The following LINGO2 variants were observed in gnomAD, a reference collection of about 807,000 sequenced individuals.
The protein encoded by LINGO2 is leucine-rich repeat and immunoglobulin-like domain-containing nogo receptor-interacting protein 2.
LINGO2 carries 14 observed loss-of-function variants against 30.6 expected under a neutral mutation model. The observed-to-expected ratio is 0.46, with a 90% CI of 0.30 to 0.72. LINGO2 has a LOEUF of 0.72. Ranked by LOEUF, LINGO2 falls within the 30% of genes least tolerant of loss-of-function variation. The pLI is 0.07. For synonymous variants in LINGO2, 317 were observed against 288.5 expected (o/e 1.10, Z -1.00); for missense variants, 729 against 751.7 (o/e 0.97, Z 0.35).
chr9:28,374,133 G>T (rs144733153), intron 2 of LINGO2, among the ~76,000 whole-genome samples: 1 of 151,076 alleles, frequency 6.6e-6, no homozygotes, highest in Non-Finnish European at 1.5e-5. Context: ...TCGGCACCAC[G>T]ACGTGAAGGC....
the LINGO2 span, among the ~76,000 whole-genome samples, chr9:28,768,792 T>G: frequency 6.6e-6 from 1 of 152,132 alleles, no homozygotes; most frequent in Non-Finnish European, 1.5e-5. Context: ...ATCTCTATCT[T>G]TTTCTACATT....
intron 1 of LINGO2, among the ~76,000 whole-genome samples, chr9:28,649,699 A>G (rs992820716): frequency 1.3e-5 from 2 of 152,112 alleles, no homozygotes; most frequent in Admixed American, 6.6e-5. Context: ...ATGTTGTGGG[A>G]AAAAAATTGT....
chr9:28,026,544 C>T (rs1469152996), intron 4 of LINGO2, among the ~76,000 whole-genome samples: 6 of 152,204 alleles, frequency 3.9e-5, no homozygotes, highest in Non-Finnish European at 7.3e-5. Flanking sequence ...CTTTTCATTA[C>T]TGCACTACTG....
At chr9:28,569,329 T>C (rs1402795) in intron 1 of LINGO2, among the ~76,000 whole-genome samples, 105,974 of 151,686 alleles carry the variant, frequency 0.7, 37,739 homozygotes, top group East Asian at 0.96. Flanking sequence ...GAAGAGATAG[T>C]TGTACTCTCC....
chr9:28,641,595 T>C (rs1158417602), intron 1 of LINGO2, among the ~76,000 whole-genome samples: 1 of 152,180 alleles, frequency 6.6e-6, no homozygotes, highest in Non-Finnish European at 1.5e-5. Flanking sequence ...ACTTTCACTT[T>C]GTAGGAAAAT....
intron 2 of LINGO2, among the ~76,000 whole-genome samples, chr9:28,469,249 T>A (rs1825428024): frequency 6.7e-6 from 1 of 148,368 alleles, no homozygotes; most frequent in Non-Finnish European, 1.5e-5. Flanking sequence ...CACCTAAAAC[T>A]ATTAAGTCTG....
chr9:28,729,602 A>T, the LINGO2 span, among the ~76,000 whole-genome samples: 1 of 152,058 alleles, frequency 6.6e-6, no homozygotes, highest in African/African-American at 2.4e-5. Context: ...AAAAATCACA[A>T]TATCCTAAAT....
At chr9:28,552,176 C>T (rs994121657) in intron 1 of LINGO2, among the ~76,000 whole-genome samples, 12 of 151,878 alleles carry the variant, frequency 7.9e-5, no homozygotes, top group African/African-American at 2.4e-5. Context: ...AAATCTCATC[C>T]TGCTGCAAAT....
At chr9:28,401,834 G>A (rs910067765) in intron 2 of LINGO2, among the ~76,000 whole-genome samples, 1 of 152,100 alleles carries the variant, frequency 6.6e-6, no homozygotes, top group African/African-American at 2.4e-5. Flanking sequence ...CATTCTGACT[G>A]GCATGAGATG....
At chr9:28,613,062 G>C (rs1825986575) in intron 1 of LINGO2, among the ~76,000 whole-genome samples, 1 of 152,056 alleles carries the variant, frequency 6.6e-6, no homozygotes, top group Admixed American at 6.6e-5. Context: ...TCTCCTTCCT[G>C]TCATCTTGTG....
intron 3 of LINGO2, among the ~76,000 whole-genome samples, chr9:28,368,786 CG>C (rs1324475667): frequency 7.5e-6 from 1 of 134,002 alleles, no homozygotes; most frequent in Non-Finnish European, 1.6e-5. Context: ...TTAGTGGAGA[CG>C]GGGTTTCACC....
chr9:28,671,853 C>T (rs1829032986), upstream of LINGO2, among the ~76,000 whole-genome samples: 2 of 151,954 alleles, frequency 1.3e-5, no homozygotes, highest in Non-Finnish European at 2.9e-5. Context: ...AAGATTGGAA[C>T]ATAAAGACAT....
chr9:28,511,550 A>C (rs979979150), intron 1 of LINGO2, among the ~76,000 whole-genome samples: 1 of 152,218 alleles, frequency 6.6e-6, no homozygotes, highest in Non-Finnish European at 1.5e-5. Flanking sequence ...TCCACAGAAC[A>C]GGTCATCCTA....
At chr9:28,254,907 C>T (rs555164912) in intron 4 of LINGO2, among the ~76,000 whole-genome samples, 55 of 152,176 alleles carry the variant, frequency 3.6e-4, no homozygotes, top group African/African-American at 1.3e-3. Context: ...TCCTGATCCT[C>T]TCCCTGTTTC....
At chr9:28,614,823 T>C (rs1054310445) in intron 1 of LINGO2, among the ~76,000 whole-genome samples, 1 of 152,106 alleles carries the variant, frequency 6.6e-6, no homozygotes, top group African/African-American at 2.4e-5. Flanking sequence ...AGTTTTAATG[T>C]TACAGTCAGG....
intron 4 of LINGO2, among the ~76,000 whole-genome samples, chr9:28,022,385 C>G (rs1823173111): frequency 1.3e-5 from 2 of 151,854 alleles, no homozygotes; most frequent in African/African-American, 4.8e-5. Context: ...AAAATTTTAT[C>G]CTTCCTTATT....
chr9:28,779,835 C>A, the LINGO2 span, among the ~76,000 whole-genome samples: 1 of 152,074 alleles, frequency 6.6e-6, no homozygotes, highest in Non-Finnish European at 1.5e-5. Context: ...TACTGACTCA[C>A]AGATGGCATG....
At chr9:28,871,237 C>T in the LINGO2 span, among the ~76,000 whole-genome samples, 10 of 151,288 alleles carry the variant, frequency 6.6e-5, no homozygotes, top group Non-Finnish European at 5.9e-5. Context: ...TATATAAATA[C>T]TTTAAAATAC....
At chr9:29,130,112 A>T in the LINGO2 span, among the ~76,000 whole-genome samples, 1 of 152,124 alleles carries the variant, frequency 6.6e-6, no homozygotes, top group South Asian at 2.1e-4. Flanking sequence ...TTGTAAAAGA[A>T]ATTCTGTGTG....
Sources: allele counts gnomAD v4.1 joint callset (sites outside exome capture counted in the v4.1 genomes callset), GRCh38; gene constraint gnomAD v4.1.1; transcripts MANE v1.5; gene names NCBI Gene and HGNC (gene_info 2026-07-23, HGNC 2026-07-21).